Variants in HOOK3 observed in about 807,000 individuals in gnomAD.
The protein encoded by HOOK3 is hook microtubule tethering protein 3, also known as protein Hook homolog 3.
In HOOK3, 24 loss-of-function variants were observed where a neutral mutation model predicts 116.3. The observed-to-expected ratio is 0.21, with a 90% CI of 0.15 to 0.29. The LOEUF (loss-of-function observed/expected upper bound fraction) is 0.29. Ranked by LOEUF, HOOK3 falls within the 10% of genes least tolerant of loss-of-function variation. The probability of loss-of-function intolerance (pLI) is 1.00; values close to 1 mark genes in which losing one functional copy is unlikely to be tolerated. For missense variants in HOOK3, 632 were observed against 830.2 expected, an observed-to-expected ratio of 0.76 and a Z score of 2.93; for synonymous variants, 275 against 283.0, an observed-to-expected ratio of 0.97 and a Z score of 0.28.
chr8:43,002,848 T>A (rs1375706758), intron 17 of HOOK3, among the ~76,000 whole-genome samples: 1 of 152,232 alleles, frequency 6.6e-6, no homozygotes, highest in Non-Finnish European at 1.5e-5. Context: ...CAGTCTAATC[T>A]TCTTTCTTAA....
intron 11 of HOOK3, 98 bp from the exon 12 acceptor site, chr8:42,973,191 G>T (rs1034234313): frequency 7.6e-7 from 1 of 1,318,454 alleles, no homozygotes; most frequent in Non-Finnish European, 1.0e-6. Flanking sequence ...TTGAGTACTG[G>T]TGGGAGAGAT....
intron 15 of HOOK3, among the ~76,000 whole-genome samples, chr8:42,990,308 T>C (rs1005479838): frequency 3.2e-5 from 4 of 123,978 alleles, no homozygotes; most frequent in Non-Finnish European, 6.6e-5. Flanking sequence ...TTTTGAGAAA[T>C]AAATATCTGT....
chr8:42,988,812 TCTA>T (rs1291206479), intron 15 of HOOK3, among the ~76,000 whole-genome samples: 4 of 152,206 alleles, frequency 2.6e-5, no homozygotes, highest in African/African-American at 4.8e-5. Flanking sequence ...CAATTTATCT[TCTA>T]CTATGTTTGC....
intron 8 of HOOK3, among the ~76,000 whole-genome samples, chr8:42,961,531 C>G (rs922089557): frequency 6.6e-6 from 1 of 151,378 alleles, no homozygotes; most frequent in African/African-American, 2.5e-5. Flanking sequence ...CAGTGATTAA[C>G]TATATTTATG....
chr8:43,026,969 G>T lies in HOOK3; in HGVS notation c.*8471G>T, dbSNP rs1053939212. On this transcript the variant is annotated 3_prime_UTR_variant, in exon 22 of 22. Transcript: ENST00000307602. Reference sequence around the variant, plus strand: ...TGCAGTGGCACAATCTCAGCTCACTGCAGCCTCCACCTCCCGGTTTCAAGT... The same window carrying T: ...TGCAGTGGCACAATCTCAGCTCACTTCAGCCTCCACCTCCCGGTTTCAAGT... 2.7e-5 allele frequency: 5 copies of T among 182,748 alleles called. No individual in the cohort carries two copies. The highest frequency in any genetic ancestry group is 5.8e-5 in the Non-Finnish European group (5 of 86,114). 11.3% of individuals were successfully genotyped at this position (182,748 alleles called of 1,614,324 possible).
In HOOK3 at chr8:43,025,443, A is replaced by G. The variant is rs1809916582; in HGVS notation, c.*6945A>G. ...GGCAGAGGGAAGTCCTAATACAATGAAAACTTGCATTATCTAAACAGATGT... is the reference window on the plus strand; with the variant it reads ...GGCAGAGGGAAGTCCTAATACAATGGAAACTTGCATTATCTAAACAGATGT... On this transcript the variant is annotated 3_prime_UTR_variant, in exon 22 of 22. Transcript: ENST00000307602. 1 of 213,770 alleles carries G rather than the reference A, an allele frequency of 4.7e-6. No individual in the cohort carries two copies. Among genetic ancestry groups the G allele is most frequent in the African/African-American group, 2.3e-5 (1 of 44,282 alleles). The allele number at this position is 213,770 out of a possible 1,614,324, so 13.2% of individuals were successfully genotyped here. A position where few individuals can be genotyped will look rare whatever the true frequency, so the allele number is the denominator to read the frequency against.
chr8:42,992,693 T>A (rs1586625637), intron 15 of HOOK3, among the ~76,000 whole-genome samples: 1 of 131,954 alleles, frequency 7.6e-6, no homozygotes, highest in East Asian at 2.1e-4. Context: ...TGCAGCCTGG[T>A]GACAGAGACT....
intron 2 of HOOK3, among the ~76,000 whole-genome samples, chr8:42,921,316 T>C (rs1054570427): frequency 2.0e-5 from 3 of 152,168 alleles, no homozygotes; most frequent in Admixed American, 6.5e-5. Flanking sequence ...ACCAGATTCA[T>C]GTGTGAGTCT....
intron 11 of HOOK3, among the ~76,000 whole-genome samples, chr8:42,972,139 G>A (rs940919998): frequency 2.6e-5 from 4 of 152,000 alleles, no homozygotes; most frequent in Non-Finnish European, 5.9e-5. Context: ...GTTCGTTGTG[G>A]CATTTTCTTT....
intron 3 of HOOK3, among the ~76,000 whole-genome samples, chr8:42,927,632 G>A (rs1586594969): frequency 6.6e-6 from 1 of 150,816 alleles, no homozygotes; most frequent in Non-Finnish European, 1.5e-5. Flanking sequence ...TTTGAGACAG[G>A]GTCTCACTCT....
chr8:42,961,673 C>G (rs1446234917), intron 8 of HOOK3, among the ~76,000 whole-genome samples: 1 of 152,100 alleles, frequency 6.6e-6, no homozygotes, highest in South Asian at 2.1e-4. Context: ...CAACCAAAAG[C>G]AATAAAATTA....
chr8:42,990,072 C>T (rs577186272), intron 15 of HOOK3, among the ~76,000 whole-genome samples: 9 of 152,148 alleles, frequency 5.9e-5, no homozygotes, highest in African/African-American at 2.2e-4. Flanking sequence ...TCACAGCTCA[C>T]TGTAGACTCA....
intron 5 of HOOK3, among the ~76,000 whole-genome samples, chr8:42,949,963 A>G (rs1396386511): frequency 6.6e-6 from 1 of 152,050 alleles, no homozygotes; most frequent in Admixed American, 6.6e-5. Context: ...CAGCACGTTG[A>G]TGTCACATAA....
At chr8:42,956,737 A>G (rs1387395157) in intron 6 of HOOK3, among the ~76,000 whole-genome samples, 1 of 152,124 alleles carries the variant, frequency 6.6e-6, no homozygotes, top group Non-Finnish European at 1.5e-5. Flanking sequence ...GGCAGGCGCC[A>G]CCATGCCCAG....
At chr8:42,964,687 C>A (rs1808598502) in intron 9 of HOOK3, among the ~76,000 whole-genome samples, 1 of 152,012 alleles carries the variant, frequency 6.6e-6, no homozygotes, top group Non-Finnish European at 1.5e-5. Flanking sequence ...ATTAGCCAGG[C>A]ATGATGGCAG....
In HOOK3 at chr8:42,982,672, C is replaced by T; in HGVS notation, c.1367C>T (p.Ala456Val). The T allele has an allele frequency of 6.2e-7, 1 of 1,612,170 alleles. No individual in the cohort carries two copies. ...GSQESSDSLA[A>V]EIVTPEIREK... ...CAGGAGTCTTCAGACAGTCTAGCTG[C>T]AGAGATTGTTACACCTGAAATCAGG... The change falls in exon 14 of 22, where the codon GCA (alanine) becomes GTA (valine). Residue 456 changes from alanine (A) to valine (V), a missense_variant. This residue lies in a region of HOOK3 where 483 missense variants were observed against 648.1 expected (regional missense o/e 0.75). Coordinates refer to ENST00000307602, the MANE Select transcript of HOOK3 (RefSeq NM_032410.4).
Position 42,943,352 on chromosome 8 carries a change from G to T in HOOK3, c.307G>T (p.Val103Leu). Residue 103 changes from valine (V) to leucine (L), a missense_variant, in exon 5 of 22, where the codon GTG (valine) becomes TTG (leucine). Around this residue, in one of 3 missense-constraint regions of HOOK3, gnomAD observed 141 missense variants for 150.8 expected, o/e 0.93. Transcript: ENST00000307602. ...QQINDFTLPD[V>L]NLIGEHSDAA... ...AATTAATGACTTTACCCTTCCTGATGTGAACCTTATTGGGGAGCATTCTGA... is the reference window on the plus strand; with the variant it reads ...AATTAATGACTTTACCCTTCCTGATTTGAACCTTATTGGGGAGCATTCTGA... 1 of 1,552,900 alleles carries T rather than the reference G, an allele frequency of 6.4e-7. No individual in the cohort carries two copies. Among genetic ancestry groups the T allele is most frequent in the South Asian group, 1.3e-5 (1 of 77,716 alleles).
In HOOK3 at chr8:43,020,045, G is replaced by A. The variant is rs1331111262; in HGVS notation, c.*1547G>A. On this transcript the variant is annotated 3_prime_UTR_variant, in exon 22 of 22. Transcript: ENST00000307602. ...GAATTTTCAGCAACTATATTCAAGT[G>A]TTTGATTTTTAAATTCTTTCTTTCT... 5.0e-6 allele frequency: 1 copy of A among 198,596 alleles called. No individual in the cohort carries two copies. Among genetic ancestry groups the A allele is most frequent in the Non-Finnish European group, 1.0e-5 (1 of 96,200 alleles). The allele number at this position is 198,596 out of a possible 1,614,324, so 12.3% of individuals were successfully genotyped here.
chr8:42,901,316 T>A (rs930409762), intron 1 of HOOK3, among the ~76,000 whole-genome samples: 6 of 152,244 alleles, frequency 3.9e-5, no homozygotes, highest in Non-Finnish European at 7.3e-5. Flanking sequence ...TAAGTGCAAT[T>A]GTCTTTCAGT....
Sources: gnomAD v4.1 joint callset for allele counts (sites outside exome capture counted in the v4.1 genomes callset) on GRCh38, gnomAD v4.1.1 for gene constraint, gnomAD v4.1.1 regional missense constraint, MANE v1.5 for transcripts, NCBI Gene and HGNC (gene_info 2026-07-23, HGNC 2026-07-21) for gene names.